FGF10: variants seen among roughly 807,000 people sequenced by gnomAD.
The protein encoded by FGF10 is fibroblast growth factor 10.
In FGF10, 2 loss-of-function variants were observed where a neutral mutation model predicts 19.8. That is an observed-to-expected ratio of 0.10 (90% confidence interval 0.04 to 0.32). FGF10 has a LOEUF of 0.32. FGF10 is among the 10% of genes least tolerant of loss of function. The pLI is 1.00. For missense variants in FGF10, 191 were observed against 246.3 expected, an observed-to-expected ratio of 0.78 and a Z score of 1.50; for synonymous variants, 112 against 94.0, an observed-to-expected ratio of 1.19 and a Z score of -1.10.
intron 2 of FGF10, among the ~76,000 whole-genome samples, chr5:44,306,505 C>T (rs1453964312): frequency 6.7e-6 from 1 of 149,216 alleles, no homozygotes; most frequent in African/African-American, 2.5e-5. Flanking sequence ...CCCTCTGGTT[C>T]TATCTTCTTC....
At chr5:44,359,520 G>T (rs1281539384) in intron 1 of FGF10, among the ~76,000 whole-genome samples, 3 of 151,384 alleles carry the variant, frequency 2.0e-5, no homozygotes, top group Non-Finnish European at 4.4e-5. Context: ...CTGAGGGAGG[G>T]TGTTGTACAG....
At chr5:44,378,516 C>T (rs1054001853) in intron 1 of FGF10, among the ~76,000 whole-genome samples, 4 of 152,314 alleles carry the variant, frequency 2.6e-5, no homozygotes, top group African/African-American at 9.6e-5. Context: ...AGTGCAAGCT[C>T]TGCCTCCCGG....
chr5:44,335,003 A>G (rs1740815626), intron 1 of FGF10, among the ~76,000 whole-genome samples: 1 of 152,158 alleles, frequency 6.6e-6, no homozygotes, highest in African/African-American at 2.4e-5. Flanking sequence ...TTAAAAAGAT[A>G]TAATATTGTA....
intron 1 of FGF10, among the ~76,000 whole-genome samples, chr5:44,355,285 A>G (rs1467883354): frequency 6.6e-6 from 1 of 151,310 alleles, no homozygotes; most frequent in African/African-American, 2.4e-5. Flanking sequence ...AGTATTAAAA[A>G]TGATCTTCAA....
At position 44,350,816 on chromosome 5, in the gene FGF10, G is replaced by T. The variant is rs114371509; in HGVS notation, c.325+37542C>A. ...TGGCTCATTCTTGGTTTTGTTCCAT[G>T]TATTAGATAGCACTTTGGTTATTTC... is the stretch of plus-strand genomic sequence containing the variant. On this transcript the variant is annotated intron_variant, in intron 1 of 2. Transcript: ENST00000264664. Among the ~76,000 whole-genome samples, 619 of 151,260 alleles carry T rather than the reference G, an allele frequency of 4.1e-3. 4 individuals are homozygous for T. Among genetic ancestry groups the T allele is most frequent in the African/African-American group, 0.013 (525 of 41,406 alleles).
At chr5:44,360,358 T>C (rs932029893) in intron 1 of FGF10, among the ~76,000 whole-genome samples, 8 of 151,600 alleles carry the variant, frequency 5.3e-5, no homozygotes, top group Admixed American at 4.0e-4. Flanking sequence ...TATCTTCTGA[T>C]GGCTTTTGAT....
At chr5:44,352,567 C>G (rs991765521) in intron 1 of FGF10, among the ~76,000 whole-genome samples, 1 of 151,594 alleles carries the variant, frequency 6.6e-6, no homozygotes, top group Non-Finnish European at 1.5e-5. Context: ...AAAACCCACC[C>G]CTGTGCTAGT....
intron 1 of FGF10, among the ~76,000 whole-genome samples, chr5:44,349,980 C>T (rs1296797694): frequency 6.6e-6 from 1 of 151,104 alleles, no homozygotes; most frequent in Non-Finnish European, 1.5e-5. Context: ...GTGTATGGCT[C>T]AGTGTAATAA....
chr5:44,323,733 C>T (rs554985879), intron 1 of FGF10, among the ~76,000 whole-genome samples: 11 of 152,158 alleles, frequency 7.2e-5, no homozygotes, highest in African/African-American at 2.6e-4. Context: ...GATCTGTTTC[C>T]TCTTGATAGA....
At chr5:44,373,007 A>G (rs1230421391) in intron 1 of FGF10, among the ~76,000 whole-genome samples, 2 of 152,164 alleles carry the variant, frequency 1.3e-5, no homozygotes, top group African/African-American at 4.8e-5. Context: ...GCAGCTGAAT[A>G]GTTTTATCAA....
intron 1 of FGF10, among the ~76,000 whole-genome samples, chr5:44,356,291 A>G (rs1034936627): frequency 1.3e-5 from 2 of 151,384 alleles, no homozygotes; most frequent in African/African-American, 4.8e-5. Flanking sequence ...CAGAAAACCA[A>G]CTCACTTTGT....
chr5:44,366,041 C>T (rs1184710345), intron 1 of FGF10, among the ~76,000 whole-genome samples: 1 of 147,320 alleles, frequency 6.8e-6, no homozygotes, highest in Non-Finnish European at 1.5e-5. Flanking sequence ...TGAAATTGCT[C>T]TTCTATTATT....
intron 1 of FGF10, among the ~76,000 whole-genome samples, chr5:44,344,897 G>A (rs1463617969): frequency 6.0e-5 from 9 of 150,480 alleles, no homozygotes; most frequent in African/African-American, 2.2e-4. Flanking sequence ...CTGATTCAAG[G>A]CAATAAGCAG....
Position 44,351,584 on chromosome 5 carries a change from C to G in FGF10, c.325+36774G>C, listed in dbSNP as rs1202571715. Among the ~76,000 whole-genome samples the G allele has an allele frequency of 2.0e-5, 3 of 151,624 alleles. No homozygotes were observed. The East Asian group carries it at 5.8e-4, about 29-fold the overall frequency. On this transcript the variant is annotated intron_variant, in intron 1 of 2. Transcript: ENST00000264664. ...ACAAAGAAACATGCTACTCTGTAAA[C>G]TTTTCCTCTGAAAACCAGAAATCAA...
chr5:44,353,675 T>C (rs1041948095), intron 1 of FGF10, among the ~76,000 whole-genome samples: 7 of 151,496 alleles, frequency 4.6e-5, no homozygotes, highest in South Asian at 2.1e-4. Context: ...TCAGCAAAAA[T>C]AGCTGGTAAG....
rs546673435 is a variant in FGF10, at chr5:44,384,618, C to T, written c.325+3740G>A. 2.0e-5 allele frequency among the ~76,000 whole-genome samples: 3 copies of T among 152,002 alleles called. No individual in the cohort carries two copies. The South Asian group carries it at 6.2e-4, about 32-fold the overall frequency. On this transcript the variant is annotated intron_variant, in intron 1 of 2. Coordinates refer to ENST00000264664, the MANE Select transcript of FGF10 (RefSeq NM_004465.2). ...GAGAGATACAACCAATAGGCTGGGG[C>T]TTGAATCCTGGTTCTGCCCATGTCT...
At position 44,300,266 on chromosome 5, in the gene FGF10, T is replaced by A. The variant is rs1040912499; in HGVS notation, c.*4729A>T. Among the ~76,000 whole-genome samples, 15 of 152,266 alleles carry A rather than the reference T, an allele frequency of 9.9e-5. No homozygotes were observed. The highest frequency in any genetic ancestry group is 3.6e-4 in the African/African-American group (15 of 41,578). On this transcript the variant is annotated 3_prime_UTR_variant, in exon 3 of 3. Coordinates refer to ENST00000264664, the MANE Select transcript of FGF10 (RefSeq NM_004465.2). ...AGCAGGTTTTTTTCTGTTTTTTTTTTATTTTACACTTAAACAATGAATGAC... is the reference window on the plus strand; with the variant it reads ...AGCAGGTTTTTTTCTGTTTTTTTTTAATTTTACACTTAAACAATGAATGAC...
rs986255605 is a variant in FGF10, at chr5:44,301,222, C to T, written c.*3773G>A. Among the ~76,000 whole-genome samples, 1 of 151,962 alleles carries T rather than the reference C, an allele frequency of 6.6e-6. No homozygotes were observed. Among genetic ancestry groups the T allele is most frequent in the Non-Finnish European group, 1.5e-5 (1 of 67,996 alleles). ...CTGTTTGCATGTATATGTCCTACTT[C>T]TAATGTACTAGACATCTTCTCTTAA... On this transcript the variant is annotated 3_prime_UTR_variant, in exon 3 of 3. Transcript: ENST00000264664.
chr5:44,315,387 G>T lies in FGF10; in HGVS notation c.326-4857C>A, dbSNP rs563203701. Among the ~76,000 whole-genome samples the T allele has an allele frequency of 2.9e-4, 44 of 152,120 alleles. No individual in the cohort carries two copies. The South Asian group carries it at 2.9e-3, about 10-fold the overall frequency. On this transcript the variant is annotated intron_variant, in intron 1 of 2. Transcript: ENST00000264664. ...AGAGAAAGTGCATGCATAAAAACAG[G>T]CTTGGAGAGAGAAAGAGCTCAAGTG...
Sources: allele counts gnomAD v4.1 joint callset (sites outside exome capture counted in the v4.1 genomes callset), GRCh38; gene constraint gnomAD v4.1.1; transcripts MANE v1.5; gene names NCBI Gene and HGNC (gene_info 2026-07-23, HGNC 2026-07-21).